The following TXNDC15 variants were observed in gnomAD, a reference collection of about 807,000 sequenced individuals.
The protein encoded by TXNDC15 is thioredoxin domain containing 15, also known as thioredoxin domain-containing protein 15.
A neutral mutation model predicts 35.0 loss-of-function variants in TXNDC15; 24 were observed. The ratio of observed to expected loss-of-function variants is 0.68; its 90% CI spans 0.50 to 0.96. The LOEUF is 0.96. TXNDC15 is among the 40% of genes least tolerant of loss of function. The pLI is 0.00. For synonymous variants in TXNDC15, 169 were observed against 174.0 expected, an observed-to-expected ratio of 0.97 and a Z score of 0.23; for missense variants, 385 against 453.3, an observed-to-expected ratio of 0.85 and a Z score of 1.37.
At chr5:134,887,168 A>G (rs1403978750) in intron 1 of TXNDC15, among the ~76,000 whole-genome samples, 1 of 152,086 alleles carries the variant, frequency 6.6e-6, no homozygotes, top group African/African-American at 2.4e-5. Flanking sequence ...TTTGACATTC[A>G]TTATTTTGTT....
chr5:134,874,570 G>T, intron 1 of TXNDC15, 40 bp downstream of exon 1: 1 of 1,516,998 alleles, frequency 6.6e-7, no homozygotes, highest in East Asian at 2.5e-5. Context: ...ATGATGGGGC[G>T]AGCTGAGGTC....
rs568394565 is a variant in TXNDC15 at position 134,896,085 on chromosome 5, C to G, written c.756-209C>G. ...ATCCATATTATAATTGAAAGCAACT[C>G]AGATTGCAGAAAAGGAGTGCCCCCC... On this transcript the variant is annotated intron_variant, in intron 3 of 4. Coordinates refer to ENST00000358387, the MANE Select transcript of TXNDC15 (RefSeq NM_024715.4). 10 of 449,492 alleles carry G rather than the reference C, an allele frequency of 2.2e-5. No individual in the cohort carries two copies. In the East Asian group the frequency reaches 4.4e-4, roughly 20 times the overall value. 27.8% of individuals were successfully genotyped at this position (449,492 alleles called of 1,614,324 possible). A position where few individuals can be genotyped will look rare whatever the true frequency, so the allele number is the denominator to read the frequency against.
chr5:134,882,835 A>T (rs914011535), intron 1 of TXNDC15, among the ~76,000 whole-genome samples: 4 of 152,024 alleles, frequency 2.6e-5, no homozygotes, highest in Non-Finnish European at 5.9e-5. Flanking sequence ...CCGTGGAAAG[A>T]GGAGGGAGAG....
chr5:134,881,595 A>C (rs1686241168), intron 1 of TXNDC15, among the ~76,000 whole-genome samples: 2 of 129,522 alleles, frequency 1.5e-5, no homozygotes, highest in South Asian at 5.6e-4. Context: ...CTCTTTCTAC[A>C]CAGACACGGC....
chr5:134,881,937 T>TG (rs71583219), intron 1 of TXNDC15, among the ~76,000 whole-genome samples: 1 of 130,958 alleles, frequency 7.6e-6, no homozygotes, highest in African/African-American at 3.0e-5. Flanking sequence ...GCTGGCCAGG[T>TG]GGGGGGCTGA....
intron 1 of TXNDC15, among the ~76,000 whole-genome samples, chr5:134,878,911 A>G (rs1286205335): frequency 2.0e-5 from 3 of 152,214 alleles, no homozygotes; most frequent in African/African-American, 2.4e-5. Context: ...AGGCAGGAGA[A>G]TTGCTTGAAC....
At position 134,874,544 on chromosome 5, in the gene TXNDC15, G is replaced by T; in HGVS notation, c.103+14G>T. On this transcript the variant is annotated intron_variant, in intron 1 of 4. Transcript: ENST00000358387. ...GCGGCGTGGAGGGTGAGTGTGGGCC[G>T]GGGGCGGTGCATGAGATGATGGGGC... 6.3e-7 allele frequency: 1 copy of T among 1,585,948 alleles called. No homozygotes were observed. Among genetic ancestry groups the T allele is most frequent in the Non-Finnish European group, 8.6e-7 (1 of 1,169,258 alleles).
At chr5:134,898,003 C>T (rs971762671) in intron 4 of TXNDC15, among the ~76,000 whole-genome samples, 4 of 150,440 alleles carry the variant, frequency 2.7e-5, no homozygotes, top group Admixed American at 6.6e-5. Context: ...AGTGAGACTC[C>T]GTCTCAAAAA....
intron 2 of TXNDC15, among the ~76,000 whole-genome samples, chr5:134,889,831 C>T (rs770119282): frequency 6.6e-6 from 1 of 152,168 alleles, no homozygotes; most frequent in Admixed American, 6.5e-5. Context: ...AGAAGTTATA[C>T]TATATTGTAG....
chr5:134,891,863 C>T (rs542563355), intron 2 of TXNDC15, among the ~76,000 whole-genome samples: 12 of 152,208 alleles, frequency 7.9e-5, no homozygotes, highest in Middle Eastern at 3.4e-3. Context: ...TGCCATGAGC[C>T]ATGATTGCGC....
chr5:134,890,635 C>T (rs1009679111), intron 2 of TXNDC15, among the ~76,000 whole-genome samples: 4 of 152,098 alleles, frequency 2.6e-5, no homozygotes, highest in Non-Finnish European at 5.9e-5. Context: ...GTCTTGAACT[C>T]CTGACCTCAA....
intron 1 of TXNDC15, among the ~76,000 whole-genome samples, chr5:134,881,790 G>A (rs1273968046): frequency 6.9e-6 from 1 of 145,204 alleles, no homozygotes; most frequent in Non-Finnish European, 1.5e-5. Flanking sequence ...CTCACCTCCC[G>A]GACGGGGCGG....
At position 134,899,472 on chromosome 5, in the gene TXNDC15, A is replaced by G. The variant is rs1750558216; in HGVS notation, c.887-17A>G. 1 of 1,602,898 alleles carries G rather than the reference A, an allele frequency of 6.2e-7. No individual in the cohort carries two copies. Among genetic ancestry groups the G allele is most frequent in the Non-Finnish European group, 8.5e-7 (1 of 1,177,654 alleles). On this transcript the variant is annotated splice_polypyrimidine_tract_variant and intron_variant, in intron 4 of 4. Coordinates refer to ENST00000358387, the MANE Select transcript of TXNDC15 (RefSeq NM_024715.4). ...TGCTTTTTCTGCCTGATTTGAAACC[A>G]GTGATTTTTCTTTCAGGTATAGAAG...
intron 1 of TXNDC15, among the ~76,000 whole-genome samples, chr5:134,886,082 T>C (rs1438362671): frequency 6.6e-6 from 1 of 152,198 alleles, no homozygotes; most frequent in African/African-American, 2.4e-5. Context: ...AGACAAATAT[T>C]TAAGGTGATG....
At chr5:134,898,489 A>G (rs931392717) in intron 4 of TXNDC15, among the ~76,000 whole-genome samples, 1 of 152,258 alleles carries the variant, frequency 6.6e-6, no homozygotes, top group African/African-American at 2.4e-5. Context: ...AATAAAAATT[A>G]TAACACACAT....
chr5:134,896,379 G>T lies in TXNDC15; in HGVS notation c.841G>T (p.Asp281Tyr). 6.2e-7 allele frequency: 1 copy of T among 1,613,912 alleles called. No homozygotes were observed. Among genetic ancestry groups the T allele is most frequent in the South Asian group, 1.1e-5 (1 of 91,042 alleles). ...AKPMARFNHT[D>Y]RTLETLKIFI... ...ACCAATGGCCAGATTTAATCATACAGATCGAACACTGGAAACACTGAAAAT... is the reference window on the plus strand; with the variant it reads ...ACCAATGGCCAGATTTAATCATACATATCGAACACTGGAAACACTGAAAAT... Residue 281 changes from aspartate to tyrosine, a missense_variant, in exon 4 of 5, where the codon GAT becomes TAT. Coordinates refer to ENST00000358387, the MANE Select transcript of TXNDC15 (RefSeq NM_024715.4).
At chr5:134,882,084 TCAGA>T (rs1330762221) in intron 1 of TXNDC15, among the ~76,000 whole-genome samples, 2 of 143,892 alleles carry the variant, frequency 1.4e-5, no homozygotes, top group African/African-American at 2.6e-5. Flanking sequence ...TCCTCACTTC[TCAGA>T]CAGGGCGGTT....
At position 134,881,395 on chromosome 5, in the gene TXNDC15, G is replaced by C. The variant is rs1218043256; in HGVS notation, c.104-6300G>C. ...TTAGGGAGTGGTGATGACTCTTAAC[G>C]AGCATGCTGCCTTCAAGCGTCTGTT... is the stretch of plus-strand genomic sequence containing the variant. On this transcript the variant is annotated intron_variant, in intron 1 of 4. Transcript: ENST00000358387. 3.1e-5 allele frequency among the ~76,000 whole-genome samples: 3 copies of C among 96,836 alleles called. No individual in the cohort carries two copies. In the Admixed American group the frequency reaches 3.8e-4, roughly 12 times the overall value. 63.5% of individuals were successfully genotyped at this position (96,836 alleles called of 152,430 possible).
chr5:134,882,563 G>A lies in TXNDC15; in HGVS notation c.104-5132G>A, dbSNP rs1185667604. Among the ~76,000 whole-genome samples, 3 of 152,366 alleles carry A rather than the reference G, an allele frequency of 2.0e-5. No homozygotes were observed. In the East Asian group the frequency reaches 5.8e-4, roughly 29 times the overall value. On this transcript the variant is annotated intron_variant, in intron 1 of 4. Transcript: ENST00000358387. ...TCCAGCCTGGGCACCATTGAGCACT[G>A]AGTGAAGGAGACTCCTGCAATCCCG...
Sources: allele counts gnomAD v4.1 joint callset (sites outside exome capture counted in the v4.1 genomes callset), GRCh38; gene constraint gnomAD v4.1.1; transcripts MANE v1.5; gene names NCBI Gene and HGNC (gene_info 2026-07-23, HGNC 2026-07-21).